SETD2: variants seen among roughly 807,000 people sequenced by gnomAD.
SETD2 encodes histone-lysine N-methyltransferase SETD2.
Under a neutral mutation model 242.1 loss-of-function variants are expected in SETD2, and 31 were observed. The ratio of observed to expected loss-of-function variants is 0.13; its 90% CI spans 0.10 to 0.17. The LOEUF (loss-of-function observed/expected upper bound fraction) is 0.17. Among genes scored for constraint, SETD2 ranks in the 10% least tolerant of loss-of-function variants. The pLI is 1.00. For missense variants in SETD2, 2,481 were observed against 3,046.3 expected, an observed-to-expected ratio of 0.81 and a Z score of 4.37; for synonymous variants, 1,006 against 1,066.5, an observed-to-expected ratio of 0.94 and a Z score of 1.11.
Position 47,057,399 on chromosome 3 carries a change from C to T in SETD2, c.6385G>A (p.Val2129Met). The T allele has an allele frequency of 6.2e-7, 1 of 1,614,174 alleles. No individual in the cohort carries two copies. The highest frequency in any genetic ancestry group is 1.1e-5 in the South Asian group (1 of 91,082). The change falls in exon 15 of 21, where the codon GTG (valine) becomes ATG (methionine). Residue 2129 changes from valine (V) to methionine (M), a missense_variant. Val to Met is a conservative substitution (Grantham distance 21). This residue lies in a region of SETD2 where 45 missense variants were observed against 62.8 expected (regional missense o/e 0.72). Transcript: ENST00000409792. ...TGTTTCTGAGCCTCCCGTTGAGCCA[C>T]CTCTTGCTCAAACAACTTCCGGCGT... The part of the protein sequence containing the change: ...EERRKLFEQE[V>M]AQREAQKQQQ...
chr3:47,161,831 A>C (rs1267106968), intron 1 of SETD2, among the ~76,000 whole-genome samples: 2 of 151,910 alleles, frequency 1.3e-5, no homozygotes, highest in Non-Finnish European at 2.9e-5. Context: ...GGACTGCTTA[A>C]GCCCAGAGGT....
intron 9 of SETD2, 97 bp downstream of exon 9, chr3:47,097,858 T>C: frequency 8.6e-7 from 1 of 1,164,538 alleles, no homozygotes; most frequent in Non-Finnish European, 1.2e-6. Context: ...TGGATTTCTC[T>C]GGTGGCAGTA....
At chr3:47,021,082 T>C (rs2038198006) in intron 18 of SETD2, among the ~76,000 whole-genome samples, 1 of 152,202 alleles carries the variant, frequency 6.6e-6, no homozygotes, top group African/African-American at 2.4e-5. Context: ...ATGCTAATAA[T>C]ATAAGTTAAG....
intron 5 of SETD2, among the ~76,000 whole-genome samples, chr3:47,109,376 T>C (rs1228688264): frequency 6.6e-6 from 1 of 152,222 alleles, no homozygotes; most frequent in Non-Finnish European, 1.5e-5. Flanking sequence ...CCAGGGGTGG[T>C]GGCTCACGCC....
chr3:47,074,977 T>A (rs1011150879), intron 12 of SETD2, among the ~76,000 whole-genome samples: 26 of 151,990 alleles, frequency 1.7e-4, no homozygotes, highest in African/African-American at 5.8e-4. Context: ...CTACTAAAAA[T>A]ACAAAAATTA....
chr3:47,059,066 C>T (rs2040214727), intron 14 of SETD2, among the ~76,000 whole-genome samples: 1 of 150,926 alleles, frequency 6.6e-6, no homozygotes, highest in Non-Finnish European at 1.5e-5. Flanking sequence ...GCTTCAACCT[C>T]CCAAAGTGCT....
intron 9 of SETD2, among the ~76,000 whole-genome samples, chr3:47,092,845 G>A (rs2041858945): frequency 6.6e-6 from 1 of 152,136 alleles, no homozygotes; most frequent in Admixed American, 6.5e-5. Context: ...AATACTGCTA[G>A]CATTCCTGTA....
Position 47,123,142 on chromosome 3 carries a change from C to T in SETD2, c.1494G>A (p.Glu498=), listed in dbSNP as rs544331072. The T allele has an allele frequency of 6.2e-7, 1 of 1,613,174 alleles. No individual in the cohort carries two copies. Among genetic ancestry groups the T allele is most frequent in the African/African-American group, 1.3e-5 (1 of 75,008 alleles). ...TTCTTTCCATCTCTAAGTAAGAGGT[C>T]TCAGTTTTACAGTCCCGATCAGATT... is the stretch of plus-strand genomic sequence containing the variant. ...YSKSDRDCKT[E]TSYLEMERRG... The change falls in exon 3 of 21, where the codon GAG becomes GAA. Residue 498 remains glutamate, a synonymous_variant. Transcript: ENST00000409792.
intron 3 of SETD2, among the ~76,000 whole-genome samples, chr3:47,118,664 C>CA (rs78178618): frequency 0.013 from 1,077 of 85,392 alleles, 5 homozygotes; most frequent in African/African-American, 0.022. Flanking sequence ...GACTCTGTCT[C>CA]AAAAAAAAAA....
chr3:47,078,998 T>C (rs2041217560), intron 12 of SETD2, among the ~76,000 whole-genome samples: 1 of 148,144 alleles, frequency 6.8e-6, no homozygotes. Flanking sequence ...AACTTACTTT[T>C]TTAAAGTTCA....
At chr3:47,042,981 T>C (rs1198552026) in intron 16 of SETD2, among the ~76,000 whole-genome samples, 6 of 150,130 alleles carry the variant, frequency 4.0e-5, no homozygotes, top group Non-Finnish European at 7.4e-5. Context: ...TTCTAAGGCA[T>C]ATCAACTGCA....
At chr3:47,155,542 G>A (rs1176862266) in intron 1 of SETD2, among the ~76,000 whole-genome samples, 2 of 152,216 alleles carry the variant, frequency 1.3e-5, no homozygotes, top group African/African-American at 2.4e-5. Context: ...GACAGGCGCA[G>A]TGGCTCACAC....
chr3:47,110,131 T>A (rs2042593775), intron 5 of SETD2, among the ~76,000 whole-genome samples: 1 of 151,824 alleles, frequency 6.6e-6, no homozygotes, highest in African/African-American at 2.4e-5. Flanking sequence ...AGATGAAACC[T>A]CAAAAACATA....
intron 18 of SETD2, among the ~76,000 whole-genome samples, chr3:47,037,319 C>G (rs2039056865): frequency 8.5e-6 from 1 of 117,156 alleles, no homozygotes; most frequent in Non-Finnish European, 1.7e-5. Flanking sequence ...GTGTGATGTT[C>G]CCCTTCCTGT....
rs902155233 is a variant in SETD2, at chr3:47,045,519, TAA to T, written c.7098+966_7098+967del. ...GGCGACAGAGCAAGACTCCATCTCT[TAA>T]AAAAAAAAAAAAAAAAAAATACAAA... is the stretch of plus-strand genomic sequence containing the variant. On this transcript the variant is annotated intron_variant, in intron 16 of 20. Coordinates refer to ENST00000409792, the MANE Select transcript of SETD2 (RefSeq NM_014159.7). Among the ~76,000 whole-genome samples the T allele has an allele frequency of 2.1e-3, 209 of 100,978 alleles. 1 individual carries two copies. Among genetic ancestry groups the T allele is most frequent in the African/African-American group, 6.9e-3 (172 of 25,098 alleles). The allele number at this position is 100,978 out of a possible 152,430, so 66.2% of individuals were successfully genotyped here. A position where few individuals can be genotyped will look rare whatever the true frequency, so the allele number is the denominator to read the frequency against.
intron 1 of SETD2, among the ~76,000 whole-genome samples, chr3:47,151,169 G>C (rs182876739): frequency 1.4e-4 from 21 of 152,050 alleles, no homozygotes; most frequent in Non-Finnish European, 5.9e-5. Flanking sequence ...CTGATACATA[G>C]ATCTACAAAA....
At chr3:47,104,712 T>C (rs2042342346) in intron 6 of SETD2, among the ~76,000 whole-genome samples, 1 of 152,236 alleles carries the variant, frequency 6.6e-6, no homozygotes, top group African/African-American at 2.4e-5. Flanking sequence ...GGCTAACTGA[T>C]ACTAAACAAT....
At chr3:47,112,545 G>A (rs1339886424) in intron 5 of SETD2, among the ~76,000 whole-genome samples, 1 of 151,904 alleles carries the variant, frequency 6.6e-6, no homozygotes, top group Non-Finnish European at 1.5e-5. Context: ...GCCTCCCAAA[G>A]TGCTGGGATT....
At chr3:47,116,102 G>A (rs1317307233) in intron 4 of SETD2, among the ~76,000 whole-genome samples, 1 of 151,934 alleles carries the variant, frequency 6.6e-6, no homozygotes, top group African/African-American at 2.4e-5. Context: ...GCTCTGATTA[G>A]GTCTGATTAG....
Sources: allele counts gnomAD v4.1 joint callset (sites outside exome capture counted in the v4.1 genomes callset), GRCh38; gene constraint gnomAD v4.1.1; regional missense constraint gnomAD v4.1.1; transcripts MANE v1.5; gene names NCBI Gene and HGNC (gene_info 2026-07-23, HGNC 2026-07-21).